TAS1R3: variants seen among roughly 807,000 people sequenced by gnomAD.
The protein encoded by TAS1R3 is taste receptor type 1 member 3.
A neutral mutation model predicts 46.1 loss-of-function variants in TAS1R3; 58 were observed. The observed-to-expected ratio is 1.26, with a 90% CI of 1.02 to 1.57. The LOEUF is 1.57. TAS1R3 is among the 40% of genes most tolerant of loss of function. The pLI, the probability that TAS1R3 is intolerant of heterozygous loss-of-function variation, is 0.00. For synonymous variants in TAS1R3, 724 were observed against 544.7 expected, an observed-to-expected ratio of 1.33 and a Z score of -4.58; for missense variants, 1,422 against 1,185.8, an observed-to-expected ratio of 1.20 and a Z score of -2.93.
chr1:1,331,947 C>CG lies in TAS1R3; in HGVS notation c.492+9_492+10insG. 1 of 1,609,190 alleles carries CG rather than the reference C, an allele frequency of 6.2e-7. No individual in the cohort carries two copies. The highest frequency in any genetic ancestry group is 1.1e-5 in the South Asian group (1 of 90,968). On this transcript the variant is annotated intron_variant, in intron 2 of 5. Coordinates refer to ENST00000339381, the MANE Select transcript of TAS1R3 (RefSeq NM_152228.3). ...TCTTCCTCATGCCCCAGGTGGGCGC[C>CG]CCCCACCATCACCCACCCCCACCCA...
Position 1,334,573 on chromosome 1 carries a change from C to T in TAS1R3, c.*109C>T. The T allele has an allele frequency of 7.8e-7, 1 of 1,279,910 alleles. No homozygotes were observed. Among genetic ancestry groups the T allele is most frequent in the Admixed American group, 2.8e-5 (1 of 35,464 alleles). The allele number at this position is 1,279,910 out of a possible 1,614,324, so 79.3% of individuals were successfully genotyped here. ...GAGACCCTCCCGCTCTAGGTTCTGACCCCAGGTTGTCTCCTGACCCTGACC... is the reference window on the plus strand; with the variant it reads ...GAGACCCTCCCGCTCTAGGTTCTGATCCCAGGTTGTCTCCTGACCCTGACC... On this transcript the variant is annotated 3_prime_UTR_variant, in exon 6 of 6. Transcript: ENST00000339381.
rs1031598850 is a variant in TAS1R3 at position 1,332,977 on chromosome 1, C to T, written c.1332C>T (p.Phe444=). Residue 444 remains phenylalanine (F), a synonymous_variant, in exon 4 of 6, where the codon TTC becomes TTT. Transcript: ENST00000339381. ...TFHVGGLPLR[F]DSSGNVDMEY... is the part of the protein sequence containing the mutation. ...ACGTGGGCGGGCTGCCGCTGCGGTT[C>T]GACAGCAGCGGAAACGTGGACATGG... The T allele has an allele frequency of 8.7e-6, 14 of 1,612,382 alleles. No individual in the cohort carries two copies. Among genetic ancestry groups the T allele is most frequent in the Admixed American group, 1.7e-5 (1 of 60,010 alleles).
rs946819231 is a variant in TAS1R3 at position 1,333,354 on chromosome 1, G to A, written c.1575G>A (p.Glu525=). 5.0e-6 allele frequency: 8 copies of A among 1,610,906 alleles called. No homozygotes were observed. The highest frequency in any genetic ancestry group is 6.8e-6 in the Non-Finnish European group (8 of 1,179,244). ...HSCCYDCVDC[E]AGSYRQNPDD... ...GCTGCTACGACTGTGTGGACTGCGA[G>A]GCGGGCAGCTACCGGCAAAACCCAG... Residue 525 remains glutamate, a synonymous_variant, in exon 5 of 6, where the codon GAG becomes GAA. Coordinates refer to ENST00000339381, the MANE Select transcript of TAS1R3 (RefSeq NM_152228.3).
Position 1,333,280 on chromosome 1 carries a change from C to T in TAS1R3, c.1501C>T (p.Arg501Trp), listed in dbSNP as rs756905920. 4.1e-5 allele frequency: 66 copies of T among 1,597,260 alleles called. No homozygotes were observed. Among genetic ancestry groups the T allele is most frequent in the African/African-American group, 8.0e-5 (6 of 74,676 alleles). The stretch of plus-strand genomic sequence containing the variant: ...GCAGAAGCCCGTGTCCCGGTGCTCG[C>T]GGCAGTGCCAGGAGGGCCAGGTGCG... ...DNQKPVSRCSRQCQEGQVRRV... is the reference protein window; with the variant it reads ...DNQKPVSRCSWQCQEGQVRRV... The change falls in exon 5 of 6, where the codon CGG becomes TGG. Residue 501 changes from arginine to tryptophan, a missense_variant. Arg to Trp is a moderately radical substitution (Grantham distance 101). Coordinates refer to ENST00000339381, the MANE Select transcript of TAS1R3 (RefSeq NM_152228.3).
At position 1,331,714 on chromosome 1, in the gene TAS1R3, C is replaced by T; in HGVS notation, c.268C>T (p.Leu90=). ...GGAGATCAACAACAAGTCGGATCTG[C>T]TGCCCGGGCTGCGCCTGGGCTACGA... ...VEEINNKSDL[L]PGLRLGYDLF... Residue 90 remains leucine, a synonymous_variant, in exon 2 of 6, where the codon CTG becomes TTG. Coordinates refer to ENST00000339381, the MANE Select transcript of TAS1R3 (RefSeq NM_152228.3). 1 of 1,612,980 alleles carries T rather than the reference C, an allele frequency of 6.2e-7. No homozygotes were observed. The highest frequency in any genetic ancestry group is 8.5e-7 in the Non-Finnish European group (1 of 1,180,026).
chr1:1,335,272 CAT>C lies in TAS1R3; in HGVS notation c.*809_*810del, dbSNP rs1569662815. ...CCGGAGAGAAGGGGCACAGGCCACA[CAT>C]CTGTCCCATAAAATTAAACGCTTTT... On this transcript the variant is annotated 3_prime_UTR_variant, in exon 6 of 6. Coordinates refer to ENST00000339381, the MANE Select transcript of TAS1R3 (RefSeq NM_152228.3). The C allele has an allele frequency of 1.3e-5, 2 of 152,400 alleles. No homozygotes were observed. The highest frequency in any genetic ancestry group is 3.9e-4 in the East Asian group (2 of 5,188). 9.4% of individuals were successfully genotyped at this position (152,400 alleles called of 1,614,324 possible). A position where few individuals can be genotyped will look rare whatever the true frequency, so the allele number is the denominator to read the frequency against.
chr1:1,334,362 G>A lies in TAS1R3; in HGVS notation c.2457G>A (p.Arg819=). ...TGCCCAGGTGTTACCTGCTCATGCGGCAGCCAGGGCTCAACACCCCCGAGT... is the reference window on the plus strand; with the variant it reads ...TGCCCAGGTGTTACCTGCTCATGCGACAGCCAGGGCTCAACACCCCCGAGT... ...FHLPRCYLLM[R]QPGLNTPEFF... is the part of the protein sequence containing the mutation. Residue 819 remains arginine (R), a synonymous_variant, in exon 6 of 6, where the codon CGG becomes CGA. Coordinates refer to ENST00000339381, the MANE Select transcript of TAS1R3 (RefSeq NM_152228.3). 1.2e-6 allele frequency: 2 copies of A among 1,610,962 alleles called. No homozygotes were observed. The highest frequency in any genetic ancestry group is 1.1e-5 in the South Asian group (1 of 90,818).
Position 1,332,671 on chromosome 1 carries a change from C to T in TAS1R3, c.1140C>T (p.Asn380=), listed in dbSNP as rs201615095. The change falls in exon 3 of 6, where the codon AAC becomes AAT. Residue 380 remains asparagine (N), a synonymous_variant. Transcript: ENST00000339381. ...CPQCDCITLQ[N]VSAGLNHHQT... is the part of the protein sequence containing the mutation. ...AGTGTGACTGCATCACGCTGCAGAA[C>T]GTGAGCGCAGGGCTAAATCACCACC... is the stretch of plus-strand genomic sequence containing the variant. 211 of 1,606,030 alleles carry T rather than the reference C, an allele frequency of 1.3e-4. No homozygotes were observed. Among genetic ancestry groups the T allele is most frequent in the Non-Finnish European group, 1.3e-4 (159 of 1,179,542 alleles).
Position 1,332,456 on chromosome 1 carries a change from G to A in TAS1R3, c.925G>A (p.Val309Ile). The change falls in exon 3 of 6, where the codon GTC becomes ATC. Residue 309 changes from valine to isoleucine, a missense_variant. Transcript: ENST00000339381. ...ASEAWLTSDL[V>I]MGLPGMAQMG... ...CGAGGCCTGGCTGACCTCTGACCTG[G>A]TCATGGGGCTGCCCGGCATGGCCCA... 1.2e-6 allele frequency: 2 copies of A among 1,609,440 alleles called. No individual in the cohort carries two copies. Among genetic ancestry groups the A allele is most frequent in the Non-Finnish European group, 1.7e-6 (2 of 1,179,562 alleles).
Position 1,333,269 on chromosome 1 carries a change from C to T in TAS1R3, c.1490C>T (p.Ser497Phe), listed in dbSNP as rs773319342. ...CAGGCCTGTGCGCAGAAGCCCGTGT[C>T]CCGGTGCTCGCGGCAGTGCCAGGAG... ...WHTSDNQKPV[S>F]RCSRQCQEGQ... Residue 497 changes from serine (S) to phenylalanine (F), a missense_variant, in exon 5 of 6, where the codon TCC becomes TTC. Ser to Phe is a radical substitution (Grantham distance 155). Transcript: ENST00000339381. The T allele has an allele frequency of 1.3e-6, 2 of 1,598,236 alleles. No homozygotes were observed. The highest frequency in any genetic ancestry group is 1.1e-5 in the South Asian group (1 of 89,282).
chr1:1,333,783 C>A lies in TAS1R3; in HGVS notation c.1878C>A (p.Gly626=), dbSNP rs776504845. The A allele has an allele frequency of 1.9e-6, 3 of 1,593,718 alleles. No homozygotes were observed. In the South Asian group the frequency reaches 3.3e-5, roughly 18 times the overall value. Residue 626 remains glycine (G), a synonymous_variant, in exon 6 of 6, where the codon GGC becomes GGA. Coordinates refer to ENST00000339381, the MANE Select transcript of TAS1R3 (RefSeq NM_152228.3). ...GCCTCAGCGTCCTCCTGTTCCCTGGCCAGCCCAGCCCTGCCCGATGCCTGG... is the reference window on the plus strand; with the variant it reads ...GCCTCAGCGTCCTCCTGTTCCCTGGACAGCCCAGCCCTGCCCGATGCCTGG... The part of the protein sequence containing the change: ...LVCLSVLLFP[G]QPSPARCLAQ...
Position 1,332,050 on chromosome 1 carries a change from G to A in TAS1R3, c.519G>A (p.Leu173=). Reference sequence around the variant, plus strand: ...TCAGCTACGGTGCTAGCATGGAGCTGCTGAGCGCCCGGGAGACCTTCCCCT... The same window carrying A: ...TCAGCTACGGTGCTAGCATGGAGCTACTGAGCGCCCGGGAGACCTTCCCCT... ...PQVSYGASME[L]LSARETFPSF... The change falls in exon 3 of 6, where the codon CTG becomes CTA. Residue 173 remains leucine (L), a synonymous_variant. Transcript: ENST00000339381. 6.2e-7 allele frequency: 1 copy of A among 1,606,652 alleles called. No homozygotes were observed. The highest frequency in any genetic ancestry group is 8.5e-7 in the Non-Finnish European group (1 of 1,179,888).
At position 1,331,809 on chromosome 1, in the gene TAS1R3, C is replaced by G. The variant is rs761918883; in HGVS notation, c.363C>G (p.Gly121=). The G allele has an allele frequency of 6.2e-7, 1 of 1,612,832 alleles. No individual in the cohort carries two copies. Among genetic ancestry groups the G allele is most frequent in the Non-Finnish European group, 8.5e-7 (1 of 1,180,032 alleles). ...GCCTCATGTTCCTGGCCAAGGCAGG[C>G]AGCCGCGACATCGCCGCCTACTGCA... ...KPSLMFLAKA[G]SRDIAAYCNY... The change falls in exon 2 of 6, where the codon GGC becomes GGG. Residue 121 remains glycine, a synonymous_variant. Coordinates refer to ENST00000339381, the MANE Select transcript of TAS1R3 (RefSeq NM_152228.3).
rs1430493723 is a variant in TAS1R3, at chr1:1,332,105, G to A, written c.574G>A (p.Val192Met). The A allele has an allele frequency of 6.2e-7, 1 of 1,600,654 alleles. No homozygotes were observed. The highest frequency in any genetic ancestry group is 1.3e-5 in the African/African-American group (1 of 75,062). ...SFFRTVPSDR[V>M]QLTAAAELLQ... ...CTTCCGCACCGTGCCCAGCGACCGT[G>A]TGCAGCTGACGGCCGCCGCGGAGCT... Residue 192 changes from valine to methionine, a missense_variant, in exon 3 of 6, where the codon GTG becomes ATG. By Grantham distance (21) the Val-to-Met change is conservative (BLOSUM62 1). Transcript: ENST00000339381.
rs201680520 is a variant in TAS1R3, at chr1:1,332,179, C to T, written c.648C>T (p.Asp216=). ...WNWVAALGSD[D]EYGRQGLSIF... ...GGGTGGCCGCCCTGGGCAGCGACGACGAGTACGGCCGGCAGGGCCTGAGCA... is the reference window on the plus strand; with the variant it reads ...GGGTGGCCGCCCTGGGCAGCGACGATGAGTACGGCCGGCAGGGCCTGAGCA... The change falls in exon 3 of 6, where the codon GAC becomes GAT. Residue 216 remains aspartate, a synonymous_variant. Coordinates refer to ENST00000339381, the MANE Select transcript of TAS1R3 (RefSeq NM_152228.3). 44 of 1,596,374 alleles carry T rather than the reference C, an allele frequency of 2.8e-5. No individual in the cohort carries two copies. Among genetic ancestry groups the T allele is most frequent in the African/African-American group, 4.0e-5 (3 of 74,990 alleles).
rs776867281 is a variant in TAS1R3 at position 1,332,212 on chromosome 1, G to A, written c.681G>A (p.Ser227=). The A allele has an allele frequency of 6.7e-5, 107 of 1,593,030 alleles. No homozygotes were observed. The highest frequency in any genetic ancestry group is 8.3e-5 in the Non-Finnish European group (98 of 1,176,002). ...EYGRQGLSIF[S]ALAAARGICI... ...GCCGGCAGGGCCTGAGCATCTTCTC[G>A]GCCCTGGCCGCGGCACGCGGCATCT... Residue 227 remains serine, a synonymous_variant, in exon 3 of 6, where the codon TCG becomes TCA. Coordinates refer to ENST00000339381, the MANE Select transcript of TAS1R3 (RefSeq NM_152228.3).
rs750869261 is a variant in TAS1R3, at chr1:1,334,486, C to T, written c.*22C>T. On this transcript the variant is annotated 3_prime_UTR_variant, in exon 6 of 6. Coordinates refer to ENST00000339381, the MANE Select transcript of TAS1R3 (RefSeq NM_152228.3). ...GTGACCCAACCCTGTGATCTCAGCC[C>T]CGGTGAACCCAGACTTAGCTGCGAT... 6.7e-6 allele frequency: 10 copies of T among 1,493,968 alleles called. No individual in the cohort carries two copies. The highest frequency in any genetic ancestry group is 8.9e-6 in the Non-Finnish European group (10 of 1,121,362). The allele number at this position is 1,493,968 out of a possible 1,614,324, so 92.5% of individuals were successfully genotyped here.
rs773182903 is a variant in TAS1R3 at position 1,334,036 on chromosome 1, T to C, written c.2131T>C (p.Trp711Arg). The C allele has an allele frequency of 1.2e-6, 2 of 1,601,800 alleles. No individual in the cohort carries two copies. Among genetic ancestry groups the C allele is most frequent in the East Asian group, 2.2e-5 (1 of 44,826 alleles). ...CTTCCCGCCGGAGGTGGTGACGGACTGGCACATGCTGCCCACGGAGGCGCT... is the reference window on the plus strand; with the variant it reads ...CTTCCCGCCGGAGGTGGTGACGGACCGGCACATGCTGCCCACGGAGGCGCT... The part of the protein sequence containing the change: ...VAFPPEVVTD[W>R]HMLPTEALVH... The change falls in exon 6 of 6, where the codon TGG becomes CGG. Residue 711 changes from tryptophan to arginine, a missense_variant. By Grantham distance (101) the Trp-to-Arg change is moderately radical. Coordinates refer to ENST00000339381, the MANE Select transcript of TAS1R3 (RefSeq NM_152228.3).
At position 1,333,056 on chromosome 1, in the gene TAS1R3, G is replaced by A. The variant is rs367749022; in HGVS notation, c.1411G>A (p.Val471Met). The change falls in exon 4 of 6, where the codon GTG becomes ATG. Residue 471 changes from valine (V) to methionine (M), a missense_variant. Physicochemically the swap from Val to Met is conservative, Grantham distance 21. Transcript: ENST00000339381. ...GGGCTCAGTGCCCAGGCTCCACGAC[G>A]TGGGCAGGTTCAACGGCAGCCTCAG... ...WQGSVPRLHDVGRFNGSLRTE... is the reference protein window; with the variant it reads ...WQGSVPRLHDMGRFNGSLRTE... The A allele has an allele frequency of 9.3e-6, 15 of 1,612,624 alleles. No homozygotes were observed. Among genetic ancestry groups the A allele is most frequent in the Middle Eastern group, 1.6e-4 (1 of 6,084 alleles).
Sources: allele counts gnomAD v4.1 joint callset, GRCh38; gene constraint gnomAD v4.1.1; transcripts MANE v1.5; gene names NCBI Gene and HGNC (gene_info 2026-07-23, HGNC 2026-07-21).